Variants in CD84 observed in about 807,000 individuals in gnomAD.
CD84 encodes CD84 molecule, also known as SLAM family member 5.
CD84 carries 22 observed loss-of-function variants against 33.8 expected under a neutral mutation model. That is an observed-to-expected ratio of 0.65 (90% CI 0.46 to 0.93). The LOEUF (loss-of-function observed/expected upper bound fraction) is 0.93, where lower values mean the gene tolerates loss of function less well. Ranked by LOEUF, CD84 falls within the 40% of genes least tolerant of loss-of-function variation. CD84 has a pLI of 0.00. For synonymous variants in CD84, 154 were observed against 145.2 expected (o/e 1.06, Z -0.44); for missense variants, 400 against 397.6 (o/e 1.01, Z -0.05).
At position 160,562,446 on chromosome 1, in the gene CD84, G is replaced by T. The variant is rs1006830584; in HGVS notation, c.388+2958C>A. On this transcript the variant is annotated intron_variant, in intron 2 of 6. Coordinates refer to ENST00000368054, the MANE Select transcript of CD84 (RefSeq NM_003874.4). ...ACACACCAGCAATTATCAGATTTTCGACAAACCTGACAAAAACAATGGGAA... is the reference window on the plus strand; with the variant it reads ...ACACACCAGCAATTATCAGATTTTCTACAAACCTGACAAAAACAATGGGAA... 2.6e-5 allele frequency among the ~76,000 whole-genome samples: 4 copies of T among 151,968 alleles called. No individual in the cohort carries two copies. The South Asian group carries it at 6.2e-4, about 24-fold the overall frequency.
intron 2 of CD84, 68 bp downstream of exon 2, chr1:160,565,336 A>T: frequency 5.2e-6 from 6 of 1,157,766 alleles, no homozygotes; most frequent in South Asian, 4.5e-5. Flanking sequence ...AGAAATGTAG[A>T]TGTGTTTCAG....
intron 2 of CD84, among the ~76,000 whole-genome samples, chr1:160,560,011 T>C (rs932225709): frequency 1.3e-5 from 2 of 152,144 alleles, no homozygotes; most frequent in Non-Finnish European, 2.9e-5. Flanking sequence ...CTTAGAGATC[T>C]ACAAAAAGAC....
intron 1 of CD84, among the ~76,000 whole-genome samples, chr1:160,567,936 G>A (rs777610695): frequency 2.6e-5 from 4 of 152,156 alleles, no homozygotes; most frequent in Non-Finnish European, 5.9e-5. Flanking sequence ...CTGGACTTAA[G>A]GCTGCGTTGC....
At chr1:160,564,575 G>C (rs1657198322) in intron 2 of CD84, among the ~76,000 whole-genome samples, 1 of 152,170 alleles carries the variant, frequency 6.6e-6, no homozygotes, top group African/African-American at 2.4e-5. Flanking sequence ...ATACTATCTA[G>C]CAATAAAAAG....
intron 2 of CD84, among the ~76,000 whole-genome samples, chr1:160,555,769 C>A (rs1344857013): frequency 1.4e-5 from 2 of 138,338 alleles, no homozygotes; most frequent in Non-Finnish European, 2.9e-5. Context: ...TGGTGCACAA[C>A]TAGAAAGGCA....
At chr1:160,558,549 C>T (rs1656755146) in intron 2 of CD84, among the ~76,000 whole-genome samples, 1 of 152,096 alleles carries the variant, frequency 6.6e-6, no homozygotes, top group Admixed American at 6.6e-5. Flanking sequence ...TGCAAAAATG[C>T]TGAAAACTCA....
At chr1:160,557,264 C>T (rs1010485162) in intron 2 of CD84, among the ~76,000 whole-genome samples, 2 of 152,192 alleles carry the variant, frequency 1.3e-5, no homozygotes, top group African/African-American at 4.8e-5. Context: ...TGCTGTCCAT[C>T]GGTATAGAAA....
intron 3 of CD84, 140 bp from the exon 4 acceptor site, chr1:160,553,637 T>C: frequency 1.8e-6 from 2 of 1,091,600 alleles, no homozygotes; most frequent in South Asian, 1.5e-5. Flanking sequence ...AACTAAACTT[T>C]CTGCTATTAA....
rs1266871828 is a variant in CD84, at chr1:160,542,769, A to C, written c.*5487T>G. 1 of 152,234 alleles carries C rather than the reference A, an allele frequency of 6.6e-6. No individual in the cohort carries two copies. Among genetic ancestry groups the C allele is most frequent in the Non-Finnish European group, 1.5e-5 (1 of 68,048 alleles). 9.4% of individuals were successfully genotyped at this position (152,234 alleles called of 1,614,324 possible). On this transcript the variant is annotated 3_prime_UTR_variant, in exon 7 of 7. Transcript: ENST00000368054. Reference sequence around the variant, plus strand: ...TCTGCAAGTCTCTAGAGAATGTATTAGTCATTACTTTCCTCCCTCAAGTCA... The same window carrying C: ...TCTGCAAGTCTCTAGAGAATGTATTCGTCATTACTTTCCTCCCTCAAGTCA...
rs139604286 is a variant in CD84, at chr1:160,578,762, G to C, written c.46+630C>G. Reference sequence around the variant, plus strand: ...TAGTTTACTGTTATGCCATAAGTAAGAAAAATAGGGTTTTTAATTCAAGTT... The same window carrying C: ...TAGTTTACTGTTATGCCATAAGTAACAAAAATAGGGTTTTTAATTCAAGTT... On this transcript the variant is annotated intron_variant, in intron 1 of 6. Coordinates refer to ENST00000368054, the MANE Select transcript of CD84 (RefSeq NM_003874.4). Among the ~76,000 whole-genome samples, 169 of 152,200 alleles carry C rather than the reference G, an allele frequency of 1.1e-3. 4 individuals are homozygous for C. In the East Asian group the frequency reaches 0.025, roughly 23 times the overall value.
At chr1:160,549,708 A>G (rs1656070298) in intron 6 of CD84, among the ~76,000 whole-genome samples, 1 of 152,152 alleles carries the variant, frequency 6.6e-6, no homozygotes, top group African/African-American at 2.4e-5. Flanking sequence ...CAGCATCCCA[A>G]GTAAGATAAC....
intron 5 of CD84, 160 bp downstream of exon 5, chr1:160,550,778 C>A (rs1430346937): frequency 1.0e-6 from 1 of 985,246 alleles, no homozygotes. Context: ...ATAGAAAGAT[C>A]CGTGGCATCA....
Position 160,546,481 on chromosome 1 carries a change from G to A in CD84, c.*1775C>T, listed in dbSNP as rs1655837006. The A allele has an allele frequency of 6.6e-6, 1 of 152,204 alleles. No individual in the cohort carries two copies. Among genetic ancestry groups the A allele is most frequent in the Non-Finnish European group, 1.5e-5 (1 of 68,062 alleles). The allele number at this position is 152,204 out of a possible 1,614,324, so 9.4% of individuals were successfully genotyped here. A position where few individuals can be genotyped will look rare whatever the true frequency, so the allele number is the denominator to read the frequency against. On this transcript the variant is annotated 3_prime_UTR_variant, in exon 7 of 7. Transcript: ENST00000368054. ...GCTTTACAGAAGAGGTACCTTTTGA[G>A]GTGGGCATTGAAGGACATGTAAATG...
chr1:160,552,705 A>G (rs1464071518), intron 4 of CD84: 1 of 1,546,570 alleles, frequency 6.5e-7, no homozygotes, highest in Admixed American at 2.0e-5. Flanking sequence ...GAGAACTTAC[A>G]AGGGTTCTTA....
intron 1 of CD84, among the ~76,000 whole-genome samples, chr1:160,568,099 T>G (rs1244468391): frequency 2.0e-5 from 3 of 152,150 alleles, no homozygotes; most frequent in Admixed American, 2.0e-4. Flanking sequence ...GCCACACCAC[T>G]CTGTGGATTG....
intron 1 of CD84, among the ~76,000 whole-genome samples, chr1:160,569,499 C>T (rs905943334): frequency 1.3e-5 from 2 of 148,152 alleles, no homozygotes; most frequent in African/African-American, 5.1e-5. Context: ...AATTTGATAC[C>T]CGGTTAGGGA....
intron 1 of CD84, among the ~76,000 whole-genome samples, chr1:160,567,399 T>C (rs1408195327): frequency 6.6e-6 from 1 of 152,088 alleles, no homozygotes; most frequent in Non-Finnish European, 1.5e-5. Context: ...GATTTTCCCG[T>C]AGGAGCAGTA....
chr1:160,553,951 G>A lies in CD84; in HGVS notation c.584C>T (p.Ala195Val). ...EDQELTYTCT[A>V]QNPVSNNSDS... is the part of the protein sequence containing the mutation. ...AGAATTGTTGCTGACAGGGTTCTGG[G>A]CTGTACACGTGTAAGTCAGCTCTTG... Residue 195 changes from alanine (A) to valine (V), a missense_variant, in exon 3 of 7, where the codon GCC (alanine) becomes GTC (valine). Ala to Val is a moderately conservative substitution (Grantham distance 64, BLOSUM62 0). Transcript: ENST00000368054. 1 of 1,614,210 alleles carries A rather than the reference G, an allele frequency of 6.2e-7. No homozygotes were observed. Among genetic ancestry groups the A allele is most frequent in the South Asian group, 1.1e-5 (1 of 91,086 alleles).
In CD84 at chr1:160,561,546, C is replaced by T. The variant is rs78773122; in HGVS notation, c.388+3858G>A. 1.4e-4 allele frequency among the ~76,000 whole-genome samples: 21 copies of T among 152,222 alleles called. No individual in the cohort carries two copies. The South Asian group carries it at 2.9e-3, about 21-fold the overall frequency. ...ATAAGAGCCACATATGACAAACTCACGCCAATATCATACTGAATGGGCAAA... is the reference window on the plus strand; with the variant it reads ...ATAAGAGCCACATATGACAAACTCATGCCAATATCATACTGAATGGGCAAA... On this transcript the variant is annotated intron_variant, in intron 2 of 6. Transcript: ENST00000368054.
Sources: allele counts gnomAD v4.1 joint callset (sites outside exome capture counted in the v4.1 genomes callset), GRCh38; gene constraint gnomAD v4.1.1; transcripts MANE v1.5; gene names NCBI Gene and HGNC (gene_info 2026-07-23, HGNC 2026-07-21).